MAGEC1: variants seen among roughly 807,000 people sequenced by gnomAD.
MAGEC1 encodes the protein MAGE family member C1.
MAGEC1 carries 3 observed loss-of-function variants against 1.5 expected under a neutral mutation model. The ratio of observed to expected loss-of-function variants is 1.97; its 90% confidence interval spans 0.90 to 5.10. The LOEUF (loss-of-function observed/expected upper bound fraction) is 5.10. Ranked by LOEUF, MAGEC1 falls within the 30% of genes most tolerant of loss-of-function variation. MAGEC1 has a pLI of 0.02. For synonymous variants in MAGEC1, 357 were observed against 310.4 expected (o/e 1.15, Z -1.58); for missense variants, 985 against 803.1 (o/e 1.23, Z -2.74).
Position 141,906,267 on chromosome X carries a change from C to A in MAGEC1, c.863C>A (p.Pro288His). ...STLVSLFQSS[P>H]ERTQSTFEGF... ...TTAGTGAGTCTTTTCCAGAGTTCCC[C>A]TGAGAGAACTCAGAGTACTTTTGAG... The change falls in exon 4 of 4, where the codon CCT (proline) becomes CAT (histidine). Residue 288 changes from proline to histidine, a missense_variant. Transcript: ENST00000285879. The A allele has an allele frequency of 8.7e-7, 1 of 1,155,517 alleles. No homozygotes were observed. Among genetic ancestry groups the A allele is most frequent in the Non-Finnish European group, 1.2e-6 (1 of 854,887 alleles).
chrX:141,907,016 G>A lies in MAGEC1; in HGVS notation c.1612G>A (p.Glu538Lys). The part of the protein sequence containing the change: ...SPLQIVPSLP[E>K]WEDSLSPHYF... ...TCTCCAGATTGTTCCAAGTCTTCCT[G>A]AGTGGGAGGACTCCCTGTCTCCTCA... The change falls in exon 4 of 4, where the codon GAG becomes AAG. Residue 538 changes from glutamate to lysine, a missense_variant. Transcript: ENST00000285879. The A allele has an allele frequency of 2.5e-6, 3 of 1,211,654 alleles. No homozygotes were observed. The highest frequency in any genetic ancestry group is 3.4e-6 in the Non-Finnish European group (3 of 895,410).
Position 141,906,133 on chromosome X carries a change from C to A in MAGEC1, c.729C>A (p.Ser243=). 2 of 765,406 alleles carry A rather than the reference C, an allele frequency of 2.6e-6. No individual in the cohort carries two copies. Among genetic ancestry groups the A allele is most frequent in the Non-Finnish European group, 3.8e-6 (2 of 521,342 alleles). The allele number at this position is 765,406 out of a possible 1,213,427, so 63.1% of individuals were successfully genotyped here. A position where few individuals can be genotyped will look rare whatever the true frequency, so the allele number is the denominator to read the frequency against. ...TTCCTGTGAGCCCCTCCTCCTCCTC[C>A]ACTTTACTGAGTCTTTTCCAGAGTT... ...LQIPVSPSSS[S]TLLSLFQSFS... is the part of the protein sequence containing the mutation. Residue 243 remains serine, a synonymous_variant, in exon 4 of 4, where the codon TCC becomes TCA. Transcript: ENST00000285879.
rs1303883943 is a variant in MAGEC1 at position 141,907,398 on chromosome X, G to A, written c.1994G>A (p.Ser665Asn). Reference protein sequence around the residue: ...PVQSPLHSPQSPPEGMHSQSP... With the variant: ...PVQSPLHSPQNPPEGMHSQSP... ...CAGTCTCCTCTCCATAGTCCTCAGA[G>A]CCCTCCTGAGGGGATGCACTCCCAA... The change falls in exon 4 of 4, where the codon AGC becomes AAC. Residue 665 changes from serine to asparagine, a missense_variant. By Grantham distance (46) the Ser-to-Asn change is conservative (BLOSUM62 1). Coordinates refer to ENST00000285879, the MANE Select transcript of MAGEC1 (RefSeq NM_005462.5). 1.7e-6 allele frequency: 2 copies of A among 1,204,578 alleles called. No homozygotes were observed. The highest frequency in any genetic ancestry group is 2.2e-6 in the Non-Finnish European group (2 of 892,462).
At chrX:141,904,596 A>G (rs1167474351) in intron 1 of MAGEC1, 121 bp from the exon 2 acceptor site, 1 of 130,301 alleles carries the variant, frequency 7.7e-6, no homozygotes, top group Non-Finnish European at 1.5e-5. Flanking sequence ...TGTCTGAGAA[A>G]ATGTGACAAT....
In MAGEC1 at chrX:141,908,442, A is replaced by G. The variant is rs201330612; in HGVS notation, c.3038A>G (p.Tyr1013Cys). Reference protein sequence around the residue: ...ILSIIFIKGTYASEEVIWDVL... With the variant: ...ILSIIFIKGTCASEEVIWDVL... ...AGTATCATCTTCATAAAGGGCACCTATGCCTCTGAGGAGGTCATCTGGGAT... is the reference window on the plus strand; with the variant it reads ...AGTATCATCTTCATAAAGGGCACCTGTGCCTCTGAGGAGGTCATCTGGGAT... The change falls in exon 4 of 4, where the codon TAT (tyrosine) becomes TGT (cysteine). Residue 1013 changes from tyrosine to cysteine, a missense_variant. Physicochemically the swap from Tyr to Cys is radical, Grantham distance 194. Coordinates refer to ENST00000285879, the MANE Select transcript of MAGEC1 (RefSeq NM_005462.5). 3.3e-6 allele frequency: 4 copies of G among 1,208,117 alleles called. No individual in the cohort carries two copies. The highest frequency in any genetic ancestry group is 2.2e-5 in the Admixed American group (1 of 45,625).
rs1261424944 is a variant in MAGEC1 at position 141,903,895 on chromosome X, T to C, written c.-285T>C. On this transcript the variant is annotated 5_prime_UTR_variant, in exon 1 of 4. Coordinates refer to ENST00000285879, the MANE Select transcript of MAGEC1 (RefSeq NM_005462.5). ...GCTTTCCCGGCGGCCATCTTGGGAG[T>C]CTGAAGGACCTGAGGCATTTTGTGA... 1 of 138,281 alleles carries C rather than the reference T, an allele frequency of 7.2e-6. No individual in the cohort carries two copies. The highest frequency in any genetic ancestry group is 1.5e-5 in the Non-Finnish European group (1 of 66,490). The allele number at this position is 138,281 out of a possible 1,213,427, so 11.4% of individuals were successfully genotyped here.
At chrX:141,904,881 C>T in intron 2 of MAGEC1, 67 bp downstream of exon 2, 1 of 586,165 alleles carries the variant, frequency 1.7e-6, no homozygotes, top group Non-Finnish European at 2.8e-6. Flanking sequence ...CTGGCAGCAC[C>T]CGGCCTGTAG....
Position 141,908,885 on chromosome X carries a change from A to G in MAGEC1, c.*52A>G, listed in dbSNP as rs1370928414. 1.0e-5 allele frequency: 11 copies of G among 1,068,223 alleles called. No homozygotes were observed. The highest frequency in any genetic ancestry group is 1.4e-5 in the Non-Finnish European group (11 of 795,633). 88.0% of individuals were successfully genotyped at this position (1,068,223 alleles called of 1,213,427 possible). ...GTTTGAAGGGGGCAGTCGAGTTTCT[A>G]CGTGGTGGAGGGCCTGGTTGAGGCT... On this transcript the variant is annotated 3_prime_UTR_variant, in exon 4 of 4. Coordinates refer to ENST00000285879, the MANE Select transcript of MAGEC1 (RefSeq NM_005462.5).
In MAGEC1 at chrX:141,906,585, A is replaced by G; in HGVS notation, c.1181A>G (p.Glu394Gly). 8.4e-7 allele frequency: 1 copy of G among 1,194,311 alleles called. No individual in the cohort carries two copies. The highest frequency in any genetic ancestry group is 1.1e-6 in the Non-Finnish European group (1 of 885,887). The stretch of plus-strand genomic sequence containing the variant: ...CTGAGTCTTTTCCAGAGTTCCCCTG[A>G]GAGAACTCACAGTACTTTTGAGGGT... Reference protein sequence around the residue: ...TLLSLFQSSPERTHSTFEGFP... With the variant: ...TLLSLFQSSPGRTHSTFEGFP... Residue 394 changes from glutamate (E) to glycine (G), a missense_variant, in exon 4 of 4, where the codon GAG (glutamate) becomes GGG (glycine). Physicochemically the swap from Glu to Gly is moderately conservative, Grantham distance 98. Coordinates refer to ENST00000285879, the MANE Select transcript of MAGEC1 (RefSeq NM_005462.5).
chrX:141,907,767 C>G lies in MAGEC1; in HGVS notation c.2363C>G (p.Ala788Gly), dbSNP rs773789570. 8.3e-7 allele frequency: 1 copy of G among 1,207,299 alleles called. No individual in the cohort carries two copies. The highest frequency in any genetic ancestry group is 3.0e-5 in the East Asian group (1 of 33,589). The change falls in exon 4 of 4, where the codon GCG (alanine) becomes GGG (glycine). Residue 788 changes from alanine to glycine, a missense_variant. Coordinates refer to ENST00000285879, the MANE Select transcript of MAGEC1 (RefSeq NM_005462.5). ...AGCTCCTTCTTCTCCTACACTTTAG[C>G]GAGTCTTCTCCAAAGTTCCCATGAG... ...PVSSFFSYTL[A>G]SLLQSSHESP...
In MAGEC1 at chrX:141,907,708, G is replaced by A. The variant is rs1301878703; in HGVS notation, c.2304G>A (p.Glu768=). The A allele has an allele frequency of 6.6e-6, 8 of 1,210,419 alleles. No individual in the cohort carries two copies. In the East Asian group the frequency reaches 1.8e-4, roughly 27 times the overall value. Residue 768 remains glutamate, a synonymous_variant, in exon 4 of 4, where the codon GAG becomes GAA. Transcript: ENST00000285879. ...CTGAGAGTCCTCAGAGTCCTCCTGA[G>A]GGGCCTGCTCAGTCTCCTCTCCAGA... The part of the protein sequence containing the change: ...SFPESPQSPP[E]GPAQSPLQRP...
chrX:141,907,584 C>T lies in MAGEC1; in HGVS notation c.2180C>T (p.Pro727Leu). Reference sequence around the variant, plus strand: ...GACTCCCTCTCTCCTCTCCACTTTCCTCAGTTTCCTCCTCAGGGGGAGGAC... The same window carrying T: ...GACTCCCTCTCTCCTCTCCACTTTCTTCAGTTTCCTCCTCAGGGGGAGGAC... ...WEDSLSPLHF[P>L]QFPPQGEDFQ... is the part of the protein sequence containing the mutation. Residue 727 changes from proline to leucine, a missense_variant, in exon 4 of 4, where the codon CCT (proline) becomes CTT (leucine). Pro to Leu is a moderately conservative substitution (Grantham distance 98, BLOSUM62 -3). Coordinates refer to ENST00000285879, the MANE Select transcript of MAGEC1 (RefSeq NM_005462.5). 8.3e-7 allele frequency: 1 copy of T among 1,208,049 alleles called. No individual in the cohort carries two copies. Among genetic ancestry groups the T allele is most frequent in the Non-Finnish European group, 1.1e-6 (1 of 893,934 alleles).
In MAGEC1 at chrX:141,907,960, G is replaced by C; in HGVS notation, c.2556G>C (p.Gln852His). 8.3e-7 allele frequency: 1 copy of C among 1,211,571 alleles called. No homozygotes were observed. The highest frequency in any genetic ancestry group is 1.7e-5 in the African/African-American group (1 of 57,704). The change falls in exon 4 of 4, where the codon CAG (glutamine) becomes CAC (histidine). Residue 852 changes from glutamine to histidine, a missense_variant. Physicochemically the swap from Gln to His is conservative, Grantham distance 24. Coordinates refer to ENST00000285879, the MANE Select transcript of MAGEC1 (RefSeq NM_005462.5). ...LSKSSPESPL[Q>H]SPVISFSSST... The stretch of plus-strand genomic sequence containing the variant: ...AGAGTTCCCCTGAGAGTCCTCTCCA[G>C]AGTCCTGTGATCTCCTTCTCCTCCT...
intron 3 of MAGEC1, 81 bp downstream of exon 3, chrX:141,905,157 A>G: frequency 8.8e-7 from 1 of 1,142,281 alleles, no homozygotes; most frequent in Non-Finnish European, 1.2e-6. Context: ...ATTCGTGTTC[A>G]CACGTTTACC....
rs751950740 is a variant in MAGEC1, at chrX:141,905,732, TCTC to T, written c.332_334del (p.Pro111del). On this transcript the variant is annotated inframe_deletion, in exon 4 of 4. Coordinates refer to ENST00000285879, the MANE Select transcript of MAGEC1 (RefSeq NM_005462.5). ...TTCTCCTGAGGGGAAGGACTCCCTG[TCTC>T]CTCTAGAGATTTCTCAGAGCCCTCC... 8.3e-7 allele frequency: 1 copy of T among 1,210,256 alleles called. No homozygotes were observed. Among genetic ancestry groups the T allele is most frequent in the Non-Finnish European group, 1.1e-6 (1 of 894,923 alleles).
In MAGEC1 at chrX:141,908,685, C is replaced by G; in HGVS notation, c.3281C>G (p.Thr1094Ser). The change falls in exon 4 of 4, where the codon ACC becomes AGC. Residue 1094 changes from threonine (T) to serine (S), a missense_variant. Coordinates refer to ENST00000285879, the MANE Select transcript of MAGEC1 (RefSeq NM_005462.5). ...GAGTTTTTGGCCATGCTAAAGAATA[C>G]CGTCCCTATTACCTTTCCATCCTCT... ...VVEFLAMLKN[T>S]VPITFPSSYK... 2 of 1,211,624 alleles carry G rather than the reference C, an allele frequency of 1.7e-6. No individual in the cohort carries two copies. The highest frequency in any genetic ancestry group is 5.9e-5 in the East Asian group (2 of 33,808).
Position 141,908,021 on chromosome X carries a change from A to C in MAGEC1, c.2617A>C (p.Ser873Arg), listed in dbSNP as rs142580175. The C allele has an allele frequency of 3.4e-5, 41 of 1,210,478 alleles. No homozygotes were observed. The African/African-American group carries it at 6.6e-4, about 20-fold the overall frequency. ...SLSPFSEESS[S>R]PVDEYTSSSD... ...GAGCCCATTCAGTGAAGAGTCCAGC[A>C]GCCCAGTAGATGAATATACAAGTTC... Residue 873 changes from serine to arginine, a missense_variant, in exon 4 of 4, where the codon AGC (serine) becomes CGC (arginine). By Grantham distance (110) the Ser-to-Arg change is moderately radical. Transcript: ENST00000285879.
At position 141,905,067 on chromosome X, in the gene MAGEC1, G is replaced by A. The variant is rs1366980742; in HGVS notation, c.-6G>A. On this transcript the variant is annotated 5_prime_UTR_variant, in exon 3 of 4. Coordinates refer to ENST00000285879, the MANE Select transcript of MAGEC1 (RefSeq NM_005462.5). ...GAGCTGTAAGCCGGCCTTTGTCAGA[G>A]CCATCATGGGTGAGTTTCTCAGCTG... 3 of 1,210,631 alleles carry A rather than the reference G, an allele frequency of 2.5e-6. No individual in the cohort carries two copies. Among genetic ancestry groups the A allele is most frequent in the Non-Finnish European group, 3.4e-6 (3 of 895,324 alleles).
At position 141,904,947 on chromosome X, in the gene MAGEC1, T is replaced by C. The variant is rs1011466726; in HGVS notation, c.-103-23T>C. ...TCTGCCTGCCAGCTGTGCCCCGAGG[T>C]GCTTTCTCGCGTCCTTCTACAGGTT... On this transcript the variant is annotated intron_variant, in intron 2 of 3. Transcript: ENST00000285879. The C allele has an allele frequency of 2.8e-5, 29 of 1,039,914 alleles. No homozygotes were observed. The African/African-American group carries it at 4.8e-4, about 17-fold the overall frequency. 85.7% of individuals were successfully genotyped at this position (1,039,914 alleles called of 1,213,427 possible).
Sources: gnomAD v4.1 joint callset for allele counts on GRCh38, gnomAD v4.1.1 for gene constraint, MANE v1.5 for transcripts, NCBI Gene and HGNC (gene_info 2026-07-23, HGNC 2026-07-21) for gene names.